Variants in NEGR1 observed in about 807,000 individuals in gnomAD.
NEGR1 encodes neuronal growth regulator 1, also known as IgLON family member 4.
Under a neutral mutation model 40.9 loss-of-function variants are expected in NEGR1, and 10 were observed. The ratio of observed to expected loss-of-function variants is 0.24; its 90% CI spans 0.15 to 0.42. The LOEUF (loss-of-function observed/expected upper bound fraction) is 0.42. Among genes scored for constraint, NEGR1 ranks in the 10% least tolerant of loss-of-function variants. The pLI is 1.00. For synonymous variants in NEGR1, 185 were observed against 166.8 expected (o/e 1.11, Z -0.84); for missense variants, 352 against 438.9 (o/e 0.80, Z 1.77).
chr1:71,497,705 TA>T (rs1424855673), intron 6 of NEGR1, among the ~76,000 whole-genome samples: 5 of 151,614 alleles, frequency 3.3e-5, no homozygotes, highest in Non-Finnish European at 7.4e-5. Flanking sequence ...AAACACAACT[TA>T]AAAGGCTTAT....
chr1:71,647,302 C>T (rs1651564296), intron 4 of NEGR1, among the ~76,000 whole-genome samples: 1 of 151,720 alleles, frequency 6.6e-6, no homozygotes, highest in Non-Finnish European at 1.5e-5. Context: ...TCATTTTTTT[C>T]CAGCCCAGGG....
intron 1 of NEGR1, among the ~76,000 whole-genome samples, chr1:71,950,759 T>C (rs1400891850): frequency 6.6e-6 from 1 of 152,006 alleles, no homozygotes; most frequent in East Asian, 1.9e-4. Flanking sequence ...ACAATTGTCT[T>C]TGTAGTCAAT....
At chr1:72,171,107 G>A (rs1387331270) in intron 1 of NEGR1, among the ~76,000 whole-genome samples, 1 of 152,088 alleles carries the variant, frequency 6.6e-6, no homozygotes, top group Admixed American at 6.6e-5. Flanking sequence ...AGAACACAAC[G>A]CTCTGGGTGT....
At chr1:72,117,592 G>A (rs1250805864) in intron 1 of NEGR1, among the ~76,000 whole-genome samples, 1 of 151,706 alleles carries the variant, frequency 6.6e-6, no homozygotes, top group African/African-American at 2.4e-5. Context: ...GTAATACCAT[G>A]GAATTTGGGA....
intron 1 of NEGR1, among the ~76,000 whole-genome samples, chr1:72,180,022 G>A (rs1652307040): frequency 6.6e-6 from 1 of 151,812 alleles, no homozygotes; most frequent in South Asian, 2.1e-4. Flanking sequence ...AACAGAAATA[G>A]AAAAAAATCC....
At position 72,036,991 on chromosome 1, in the gene NEGR1, A is replaced by G. The variant is rs543233328; in HGVS notation, c.177-101680T>C. Among the ~76,000 whole-genome samples, 11 of 152,238 alleles carry G rather than the reference A, an allele frequency of 7.2e-5. No individual in the cohort carries two copies. The East Asian group carries it at 9.7e-4, about 13-fold the overall frequency. ...ATATTTTTTAGTAGCCTAGAAAATC[A>G]TAAGTATCTTAGACACTTGTCAGAT... On this transcript the variant is annotated intron_variant, in intron 1 of 6. Transcript: ENST00000357731.
chr1:71,997,048 T>C (rs953118377), intron 1 of NEGR1, among the ~76,000 whole-genome samples: 1 of 152,008 alleles, frequency 6.6e-6, no homozygotes, highest in African/African-American at 2.4e-5. Flanking sequence ...TTGCACAGTA[T>C]TAATGTCACC....
chr1:71,716,076 G>A (rs1654264496), intron 3 of NEGR1, among the ~76,000 whole-genome samples: 1 of 152,102 alleles, frequency 6.6e-6, no homozygotes, highest in South Asian at 2.1e-4. Flanking sequence ...GGCGGCCTCA[G>A]GAAATTTACA....
intron 1 of NEGR1, among the ~76,000 whole-genome samples, chr1:72,006,623 G>C (rs1225390377): frequency 6.6e-6 from 1 of 152,150 alleles, no homozygotes; most frequent in Non-Finnish European, 1.5e-5. Flanking sequence ...TGAATTATGT[G>C]ATGAGGGAGA....
intron 1 of NEGR1, among the ~76,000 whole-genome samples, chr1:72,147,534 AT>A (rs1460184118): frequency 2.2e-4 from 33 of 151,990 alleles, no homozygotes; most frequent in Admixed American, 2.2e-3. Context: ...AAACCATATC[AT>A]TTCACCCCTG....
intron 6 of NEGR1, among the ~76,000 whole-genome samples, chr1:71,511,774 A>G (rs1269243557): frequency 1.3e-5 from 2 of 152,180 alleles, no homozygotes; most frequent in Non-Finnish European, 2.9e-5. Flanking sequence ...TGAAAAGATT[A>G]GTTAAAGACA....
Position 71,769,328 on chromosome 1 carries a change from G to C in NEGR1, c.535+6844C>G, listed in dbSNP as rs896341300. 4.6e-5 allele frequency among the ~76,000 whole-genome samples: 7 copies of C among 152,032 alleles called. 1 individual carries two copies. The South Asian group carries it at 1.5e-3, about 32-fold the overall frequency. On this transcript the variant is annotated intron_variant, in intron 3 of 6. Coordinates refer to ENST00000357731, the MANE Select transcript of NEGR1 (RefSeq NM_173808.3). ...TTACCTTCATGGTAACCTCATTTGTGAGCAGCTATGTGAATTACATTTTCA... is the reference window on the plus strand; with the variant it reads ...TTACCTTCATGGTAACCTCATTTGTCAGCAGCTATGTGAATTACATTTTCA...
intron 2 of NEGR1, among the ~76,000 whole-genome samples, chr1:71,818,182 A>C (rs796865848): frequency 4.6e-5 from 7 of 152,134 alleles, no homozygotes; most frequent in African/African-American, 1.7e-4. Flanking sequence ...TCTCATTATT[A>C]GGTATATACC....
chr1:71,941,249 C>T (rs1645956442), intron 1 of NEGR1, among the ~76,000 whole-genome samples: 2 of 152,108 alleles, frequency 1.3e-5, no homozygotes, highest in South Asian at 4.2e-4. Context: ...GTTTTGATAT[C>T]CCAATTTCAA....
chr1:71,922,213 G>GAGA (rs1300436113), intron 2 of NEGR1, among the ~76,000 whole-genome samples: 2 of 152,112 alleles, frequency 1.3e-5, no homozygotes, highest in Non-Finnish European at 2.9e-5. Flanking sequence ...GGCTTTGGAG[G>GAGA]AGACACCGCC....
chr1:71,636,990 A>C (rs1651175719), intron 4 of NEGR1, among the ~76,000 whole-genome samples: 1 of 152,086 alleles, frequency 6.6e-6, no homozygotes, highest in African/African-American at 2.4e-5. Flanking sequence ...GAATAGTATG[A>C]AAAGACAATT....
chr1:71,849,833 A>C (rs1362977427), intron 2 of NEGR1, among the ~76,000 whole-genome samples: 1 of 152,148 alleles, frequency 6.6e-6, no homozygotes, highest in Non-Finnish European at 1.5e-5. Flanking sequence ...GCAATATAGT[A>C]TTTTTTAATT....
intron 3 of NEGR1, among the ~76,000 whole-genome samples, chr1:71,739,944 C>T (rs924741967): frequency 1.3e-5 from 2 of 152,176 alleles, no homozygotes; most frequent in African/African-American, 4.8e-5. Flanking sequence ...CCAAAACACT[C>T]CTTGTACATT....
At chr1:71,756,237 T>C (rs1454174726) in intron 3 of NEGR1, among the ~76,000 whole-genome samples, 1 of 152,112 alleles carries the variant, frequency 6.6e-6, no homozygotes, top group African/African-American at 2.4e-5. Context: ...ATCTGAAAAG[T>C]GTCATCTAAG....
Sources: allele counts gnomAD v4.1 joint callset (sites outside exome capture counted in the v4.1 genomes callset), GRCh38; gene constraint gnomAD v4.1.1; transcripts MANE v1.5; gene names NCBI Gene and HGNC (gene_info 2026-07-23, HGNC 2026-07-21).